SV2B: variants seen among roughly 807,000 people sequenced by gnomAD.
The protein encoded by SV2B is synaptic vesicle glycoprotein 2B.
Under a neutral mutation model 73.9 loss-of-function variants are expected in SV2B, and 41 were observed. The observed-to-expected ratio is 0.56, with a 90% CI of 0.43 to 0.72. SV2B has a LOEUF of 0.72. SV2B is among the 30% of genes least tolerant of loss of function. The pLI is 0.00. For synonymous variants in SV2B, 314 were observed against 314.2 expected (o/e 1.00, Z 0.01); for missense variants, 764 against 857.8 (o/e 0.89, Z 1.37).
intron 2 of SV2B, among the ~76,000 whole-genome samples, chr15:91,246,005 T>A (rs1462101734): frequency 1.4e-5 from 2 of 147,170 alleles, no homozygotes; most frequent in East Asian, 4.0e-4. Flanking sequence ...GTTTGGAACA[T>A]CAGGGATGCC....
intron 12 of SV2B, among the ~76,000 whole-genome samples, chr15:91,291,669 A>G (rs1279118601): frequency 6.6e-6 from 1 of 152,220 alleles, no homozygotes; most frequent in Non-Finnish European, 1.5e-5. Flanking sequence ...AAAAGTCTAG[A>G]GTGGGTGGTG....
At chr15:91,191,082 T>TTTTTTTTTTTTTTTTTTTA (rs2045006402) in intron 1 of SV2B, among the ~76,000 whole-genome samples, 1 of 139,730 alleles carries the variant, frequency 7.2e-6, no homozygotes, top group African/African-American at 2.9e-5. Flanking sequence ...TTTTTTTTTT[T>TTTTTTTTTTTTTTTTTTTA]TTGACAGAGT....
intron 1 of SV2B, among the ~76,000 whole-genome samples, chr15:91,182,552 G>A (rs918730805): frequency 1.3e-5 from 2 of 152,142 alleles, no homozygotes; most frequent in Non-Finnish European, 2.9e-5. Context: ...TCTCTTGAAG[G>A]CCAGTCAGCT....
intron 2 of SV2B, among the ~76,000 whole-genome samples, chr15:91,248,188 G>A (rs981068672): frequency 2.6e-5 from 4 of 152,232 alleles, no homozygotes; most frequent in African/African-American, 9.6e-5. Context: ...GGGCGTGGTG[G>A]TGGGCGCCTG....
chr15:91,288,832 C>T lies in SV2B; in HGVS notation c.1709-689C>T, dbSNP rs369818723. Among the ~76,000 whole-genome samples the T allele has an allele frequency of 9.9e-5, 15 of 152,210 alleles. No individual in the cohort carries two copies. The highest frequency in any genetic ancestry group is 2.0e-4 in the Admixed American group (3 of 15,302). On this transcript the variant is annotated intron_variant, in intron 11 of 12. Coordinates refer to ENST00000394232, the MANE Select transcript of SV2B (RefSeq NM_001323032.3). The surrounding 1 kb of genome is among the most constrained non-coding windows in gnomAD (Gnocchi z 5.8). ...AGCTGGGATTACAGGTGTGCACCAC[C>T]GGGTCTGGCTACTTTTTGTCTTTTT...
intron 10 of SV2B, among the ~76,000 whole-genome samples, chr15:91,282,515 A>C (rs1427092262): frequency 1.3e-5 from 2 of 152,216 alleles, no homozygotes; most frequent in Admixed American, 6.5e-5. Context: ...GGCTTTACCT[A>C]CATTGTCTCA....
intron 1 of SV2B, among the ~76,000 whole-genome samples, chr15:91,183,473 A>G (rs1347133771): frequency 1.3e-5 from 2 of 152,236 alleles, no homozygotes; most frequent in African/African-American, 4.8e-5. Flanking sequence ...AGTTGCATTT[A>G]CATCTAGTTT....
chr15:91,167,573 T>C (rs1355768977), intron 1 of SV2B, among the ~76,000 whole-genome samples: 2 of 152,188 alleles, frequency 1.3e-5, no homozygotes, highest in Non-Finnish European at 2.9e-5. Flanking sequence ...TCACACCTCT[T>C]TTTTGTCTGA....
intron 1 of SV2B, among the ~76,000 whole-genome samples, chr15:91,163,140 C>T (rs1267226058): frequency 6.6e-6 from 1 of 152,198 alleles, no homozygotes. Context: ...ATATGTGCCA[C>T]ATTTTCTTAA....
rs1479387950 is a variant in SV2B at position 91,252,459 on chromosome 15, C to T, written c.723C>T (p.Ile241=). The T allele has an allele frequency of 6.2e-7, 1 of 1,613,700 alleles. No individual in the cohort carries two copies. Among genetic ancestry groups the T allele is most frequent in the African/African-American group, 1.3e-5 (1 of 74,896 alleles). ...GAGAACACCTCAGTTGGCTGGGCAT[C>T]TTCTGGATGACTGGGGGCCTGTACG... The part of the protein sequence containing the change: ...KRGEHLSWLG[I]FWMTGGLYAS... The change falls in exon 4 of 13, where the codon ATC becomes ATT. Residue 241 remains isoleucine (I), a synonymous_variant. Transcript: ENST00000394232. This position sits in a 1 kb window ranked among gnomAD's most constrained non-coding sequence, Gnocchi z 4.6.
chr15:91,158,938 C>T (rs1414987500), intron 1 of SV2B, among the ~76,000 whole-genome samples: 1 of 151,660 alleles, frequency 6.6e-6, no homozygotes, highest in Non-Finnish European at 1.5e-5. Flanking sequence ...GTTCAAGGTA[C>T]TCTAATAAGG....
Position 91,245,027 on chromosome 15 carries a change from A to G in SV2B, c.452-6792A>G, listed in dbSNP as rs2047168434. Among the ~76,000 whole-genome samples, 1 of 152,238 alleles carries G rather than the reference A, an allele frequency of 6.6e-6. No individual in the cohort carries two copies. Among genetic ancestry groups the G allele is most frequent in the African/African-American group, 2.4e-5 (1 of 41,462 alleles). The stretch of plus-strand genomic sequence containing the variant: ...TTTATTTGTCTTTGGTTAATTGCTA[A>G]ATAAAGAAGCTCACCCAGTCAGGGC... On this transcript the variant is annotated intron_variant, in intron 2 of 12. Transcript: ENST00000394232. This position sits in a 1 kb window ranked among gnomAD's most constrained non-coding sequence, Gnocchi z 4.2.
At chr15:91,146,667 A>G (rs748509064) in intron 1 of SV2B, among the ~76,000 whole-genome samples, 18 of 152,214 alleles carry the variant, frequency 1.2e-4, no homozygotes, top group South Asian at 2.1e-4. Context: ...TCACCTCTCT[A>G]GTTAGGTATA....
In SV2B at chr15:91,252,676, T is replaced by C. The variant is rs1279009586; in HGVS notation, c.784+156T>C. Among the ~76,000 whole-genome samples, 1 of 152,220 alleles carries C rather than the reference T, an allele frequency of 6.6e-6. No homozygotes were observed. The highest frequency in any genetic ancestry group is 1.5e-5 in the Non-Finnish European group (1 of 68,036). On this transcript the variant is annotated intron_variant, in intron 4 of 12. Transcript: ENST00000394232. The surrounding 1 kb of genome is among the most constrained non-coding windows in gnomAD (Gnocchi z 4.6). ...ACAACTTCTAACATTGCAGACACAT[T>C]GTTAATTTCAATTCAATGTCTTTTT...
intron 1 of SV2B, among the ~76,000 whole-genome samples, chr15:91,178,679 T>C (rs1452748399): frequency 6.6e-6 from 1 of 151,822 alleles, no homozygotes; most frequent in Non-Finnish European, 1.5e-5. Flanking sequence ...TTTATTTGCG[T>C]AGAGGTGTTT....
At chr15:91,180,681 G>T (rs965995179) in intron 1 of SV2B, among the ~76,000 whole-genome samples, 1 of 151,934 alleles carries the variant, frequency 6.6e-6, no homozygotes, top group African/African-American at 2.4e-5. Context: ...CCAGTTGATC[G>T]CATCAGCTCC....
rs1398139254 is a variant in SV2B at position 91,236,051 on chromosome 15, C to T, written c.451+9337C>T. ...AGGTGCTTAGTCAGTACTCATCCTG[C>T]TCCCCTGATCCAACTGCAAAACCTG... On this transcript the variant is annotated intron_variant, in intron 2 of 12. Transcript: ENST00000394232. This position sits in a 1 kb window ranked among gnomAD's most constrained non-coding sequence, Gnocchi z 4.1. Among the ~76,000 whole-genome samples, 1 of 152,208 alleles carries T rather than the reference C, an allele frequency of 6.6e-6. No homozygotes were observed. Among genetic ancestry groups the T allele is most frequent in the African/African-American group, 2.4e-5 (1 of 41,446 alleles).
In SV2B at chr15:91,229,753, T is replaced by C. The variant is rs961875551; in HGVS notation, c.451+3039T>C. On this transcript the variant is annotated intron_variant, in intron 2 of 12. Coordinates refer to ENST00000394232, the MANE Select transcript of SV2B (RefSeq NM_001323032.3). This position sits in a 1 kb window ranked among gnomAD's most constrained non-coding sequence, Gnocchi z 4.3. ...TATTATTGTCGATTGTGGTTGTTCTTATTACTAAACTGATTGCTTGATAAT... is the reference window on the plus strand; with the variant it reads ...TATTATTGTCGATTGTGGTTGTTCTCATTACTAAACTGATTGCTTGATAAT... 1.3e-5 allele frequency among the ~76,000 whole-genome samples: 2 copies of C among 152,258 alleles called. No homozygotes were observed. The highest frequency in any genetic ancestry group is 4.8e-5 in the African/African-American group (2 of 41,478).
At chr15:91,286,379 CTTG>C (rs2048861218) in intron 11 of SV2B, among the ~76,000 whole-genome samples, 2 of 152,206 alleles carry the variant, frequency 1.3e-5, no homozygotes, top group Admixed American at 1.3e-4. Flanking sequence ...CAAGTCATTT[CTTG>C]TTATCAGCGG....
Sources: gnomAD v4.1 joint callset for allele counts (sites outside exome capture counted in the v4.1 genomes callset) on GRCh38, gnomAD v4.1.1 for gene constraint, Gnocchi (gnomAD v3.1) non-coding constraint, MANE v1.5 for transcripts, NCBI Gene and HGNC (gene_info 2026-07-23, HGNC 2026-07-21) for gene names.